PDE11A: variants seen among roughly 807,000 people sequenced by gnomAD.
The protein encoded by PDE11A is dual 3',5'-cyclic-AMP and -GMP phosphodiesterase 11A.
Under a neutral mutation model 100.5 loss-of-function variants are expected in PDE11A, and 100 were observed. The ratio of observed to expected loss-of-function variants is 1.00; its 90% CI spans 0.85 to 1.18. PDE11A has a LOEUF of 1.18. Ranked by LOEUF, PDE11A falls within the 50% of genes most tolerant of loss-of-function variation. The probability of loss-of-function intolerance (pLI) is 0.00; values close to 1 mark genes in which losing one functional copy is unlikely to be tolerated. For missense variants in PDE11A, 1,141 were observed against 1,152.6 expected (o/e 0.99, Z 0.15); for synonymous variants, 381 against 420.8 (o/e 0.91, Z 1.16).
chr2:177,761,574 T>C (rs1445109031), intron 10 of PDE11A, among the ~76,000 whole-genome samples: 4 of 152,110 alleles, frequency 2.6e-5, no homozygotes, highest in Non-Finnish European at 4.4e-5. Context: ...AAGATTTATA[T>C]TGCAAGGTAG....
At chr2:177,945,031 C>G (rs59405496) in intron 2 of PDE11A, among the ~76,000 whole-genome samples, 75,426 of 138,408 alleles carry the variant, frequency 0.54, 21,665 homozygotes, top group Admixed American at 0.62. Flanking sequence ...TGTGTTGGCC[C>G]GGCCGGTCTC....
chr2:178,099,971 T>C (rs945535392), intron 2 of PDE11A, among the ~76,000 whole-genome samples: 2 of 152,196 alleles, frequency 1.3e-5, no homozygotes, highest in Non-Finnish European at 2.9e-5. Context: ...TAAATGAACC[T>C]TGAAGACATT....
intron 19 of PDE11A, among the ~76,000 whole-genome samples, chr2:177,643,025 C>T (rs375949921): frequency 1.1e-4 from 16 of 152,190 alleles, no homozygotes; most frequent in Non-Finnish European, 1.6e-4. Context: ...CCTCCCCAGC[C>T]GCATGGAACT....
chr2:177,702,181 G>C (rs1165218410), intron 13 of PDE11A, among the ~76,000 whole-genome samples: 1 of 152,026 alleles, frequency 6.6e-6, no homozygotes, highest in African/African-American at 2.4e-5. Context: ...CCTTAACAAT[G>C]TCAGTTCTGC....
In PDE11A at chr2:177,858,196, T is replaced by C. The variant is rs527662618; in HGVS notation, c.1367+17663A>G. ...CAGGACATAGGCATGGGCAAGGACTTCATGTCTAAAACACCAAAAGCAATG... is the reference window on the plus strand; with the variant it reads ...CAGGACATAGGCATGGGCAAGGACTCCATGTCTAAAACACCAAAAGCAATG... On this transcript the variant is annotated intron_variant, in intron 5 of 19. Transcript: ENST00000286063. Among the ~76,000 whole-genome samples, 1,097 of 152,086 alleles carry C rather than the reference T, an allele frequency of 7.2e-3. 13 individuals are homozygous for C. The highest frequency in any genetic ancestry group is 0.025 in the African/African-American group (1,021 of 41,506).
chr2:177,720,327 G>T (rs551627731), intron 12 of PDE11A, among the ~76,000 whole-genome samples: 1 of 151,988 alleles, frequency 6.6e-6, no homozygotes, highest in African/African-American at 2.4e-5. Flanking sequence ...ACTGGATGTC[G>T]CAGCATACCT....
chr2:178,022,968 C>T (rs1264818896), intron 1 of PDE11A, among the ~76,000 whole-genome samples: 1 of 152,190 alleles, frequency 6.6e-6, no homozygotes, highest in African/African-American at 2.4e-5. Flanking sequence ...AAATCTTTTC[C>T]ATGCCTTTTA....
intron 6 of PDE11A, among the ~76,000 whole-genome samples, chr2:177,830,674 T>G (rs186771112): frequency 6.7e-6 from 1 of 150,236 alleles, no homozygotes; most frequent in Non-Finnish European, 1.5e-5. Flanking sequence ...AGTGCTGAGT[T>G]TGTGGTGATC....
intron 2 of PDE11A, among the ~76,000 whole-genome samples, chr2:178,102,700 A>C (rs967769333): frequency 6.6e-6 from 1 of 152,154 alleles, no homozygotes; most frequent in African/African-American, 2.4e-5. Flanking sequence ...TTGGGATTAC[A>C]TGTGTGTGCC....
At chr2:177,670,476 G>T (rs2080661453) in intron 17 of PDE11A, among the ~76,000 whole-genome samples, 1 of 92,492 alleles carries the variant, frequency 1.1e-5, no homozygotes, top group South Asian at 3.8e-4. Flanking sequence ...TATTTTCAAC[G>T]CTACTACAGT....
intron 9 of PDE11A, among the ~76,000 whole-genome samples, chr2:177,791,534 T>A (rs1196194643): frequency 6.3e-5 from 9 of 142,748 alleles, no homozygotes; most frequent in Admixed American, 6.9e-5. Context: ...ACTTAAAGTA[T>A]AAAAAAAAAA....
intron 1 of PDE11A, among the ~76,000 whole-genome samples, chr2:178,022,481 ATT>A (rs5836639): frequency 0.22 from 33,759 of 151,518 alleles, 3,873 homozygotes; most frequent in Middle Eastern, 0.24. Flanking sequence ...GACATAGACG[ATT>A]TTTTTTTTTA....
At chr2:177,881,318 C>CTCTA (rs987861619) in intron 4 of PDE11A, among the ~76,000 whole-genome samples, 1 of 149,026 alleles carries the variant, frequency 6.7e-6, no homozygotes, top group Non-Finnish European at 1.5e-5. Context: ...ATATCTTTAT[C>CTCTA]TCTATCTATC....
At chr2:177,908,389 A>T (rs557457024) in intron 2 of PDE11A, among the ~76,000 whole-genome samples, 2 of 152,282 alleles carry the variant, frequency 1.3e-5, no homozygotes, top group African/African-American at 4.8e-5. Context: ...GACCACACTG[A>T]TAGGCATCAG....
intron 2 of PDE11A, among the ~76,000 whole-genome samples, chr2:178,092,147 T>C (rs560914660): frequency 7.9e-5 from 12 of 152,344 alleles, no homozygotes; most frequent in African/African-American, 2.6e-4. Flanking sequence ...TTAAAGCTAA[T>C]GTCTTCTATA....
chr2:178,032,439 G>A (rs928233619), intron 1 of PDE11A, among the ~76,000 whole-genome samples: 11 of 149,866 alleles, frequency 7.3e-5, no homozygotes, highest in African/African-American at 1.7e-4. Context: ...AACCAAGATC[G>A]CATCACCGCA....
intron 6 of PDE11A, among the ~76,000 whole-genome samples, chr2:177,836,096 C>T (rs772821197): frequency 1.3e-5 from 2 of 152,248 alleles, no homozygotes; most frequent in Non-Finnish European, 2.9e-5. Flanking sequence ...TACCTGTGGC[C>T]CCAGTGCGGG....
intron 2 of PDE11A, among the ~76,000 whole-genome samples, chr2:177,973,106 G>C (rs965991967): frequency 4.0e-5 from 6 of 151,822 alleles, no homozygotes; most frequent in Non-Finnish European, 8.8e-5. Context: ...AATAGGAACA[G>C]CTCCGGTCTA....
intron 5 of PDE11A, among the ~76,000 whole-genome samples, chr2:177,843,779 CAA>C (rs1026644152): frequency 2.0e-5 from 3 of 152,116 alleles, no homozygotes; most frequent in African/African-American, 7.2e-5. Flanking sequence ...GACATATAAA[CAA>C]TATAAAAATT....
Sources: gnomAD v4.1 joint callset for allele counts (sites outside exome capture counted in the v4.1 genomes callset) on GRCh38, gnomAD v4.1.1 for gene constraint, MANE v1.5 for transcripts, NCBI Gene and HGNC (gene_info 2026-07-23, HGNC 2026-07-21) for gene names.